The following FAM184B variants were observed in gnomAD, a reference collection of about 807,000 sequenced individuals.
FAM184B encodes family with sequence similarity 184 member B, also known as protein FAM184B.
In FAM184B, 111 loss-of-function variants were observed where a neutral mutation model predicts 135.9. The ratio of observed to expected loss-of-function variants is 0.82; its 90% confidence interval spans 0.70 to 0.96. The LOEUF (loss-of-function observed/expected upper bound fraction) is 0.96, where lower values mean the gene tolerates loss of function less well. Among genes scored for constraint, FAM184B ranks in the 40% least tolerant of loss-of-function variants. The pLI is 0.00. For missense variants in FAM184B, 1,375 were observed against 1,323.9 expected (o/e 1.04, Z -0.60); for synonymous variants, 552 against 524.8 (o/e 1.05, Z -0.71).
intron 1 of FAM184B, among the ~76,000 whole-genome samples, chr4:17,752,190 G>C (rs1718310310): frequency 1.3e-5 from 2 of 152,284 alleles, no homozygotes; most frequent in South Asian, 4.1e-4. Flanking sequence ...GAGGGACTTA[G>C]TGCCAACATA....
At chr4:17,763,116 T>G (rs1425440424) in intron 1 of FAM184B, among the ~76,000 whole-genome samples, 1 of 152,164 alleles carries the variant, frequency 6.6e-6, no homozygotes, top group Non-Finnish European at 1.5e-5. Context: ...AGTTCTTTCT[T>G]TGCCTGTCAA....
rs1452909464 is a variant in FAM184B at position 17,781,186 on chromosome 4, C to T, written c.114G>A (p.Met38Ile). 1.5e-5 allele frequency: 23 copies of T among 1,549,624 alleles called. No individual in the cohort carries two copies. In the Admixed American group the frequency reaches 4.5e-4, roughly 31 times the overall value. The change falls in exon 1 of 18, where the codon ATG becomes ATA. Residue 38 changes from methionine to isoleucine, a missense_variant. By Grantham distance (10) the Met-to-Ile change is conservative. Transcript: ENST00000265018. This position sits in a 1 kb window ranked among gnomAD's most constrained non-coding sequence, Gnocchi z 6.5. ...TGGTGAGCTGGGCGATCTTCTTGCA[C>T]ATTTTCACGTGCATCTGGGGATCAC... The part of the protein sequence containing the change: ...MDCDPQMHVK[M>I]CKKIAQLTKV...
intron 1 of FAM184B, among the ~76,000 whole-genome samples, chr4:17,730,308 C>A (rs1035972115): frequency 6.6e-6 from 1 of 152,152 alleles, no homozygotes; most frequent in African/African-American, 2.4e-5. Context: ...CTGAAAGTGA[C>A]GGGGAGAATG....
At chr4:17,744,466 C>CAG (rs1275816330) in intron 1 of FAM184B, among the ~76,000 whole-genome samples, 3 of 141,928 alleles carry the variant, frequency 2.1e-5, no homozygotes, top group Non-Finnish European at 1.5e-5. Flanking sequence ...CTCTCTCACA[C>CAG]ACACACACAC....
At chr4:17,709,990 A>G (rs1717219493) in intron 1 of FAM184B, among the ~76,000 whole-genome samples, 3 of 152,196 alleles carry the variant, frequency 2.0e-5, no homozygotes, top group Admixed American at 6.5e-5. Context: ...TTTGTTCAGA[A>G]GGAACACTTT....
Position 17,642,120 on chromosome 4 carries a change from G to A in FAM184B, c.2455C>T (p.Arg819Trp), listed in dbSNP as rs185978992. 5.9e-5 allele frequency: 91 copies of A among 1,532,824 alleles called. 1 individual carries two copies. In the East Asian group the frequency reaches 2.1e-3, roughly 36 times the overall value. 95.0% of individuals were successfully genotyped at this position (1,532,824 alleles called of 1,614,324 possible). A position where few individuals can be genotyped will look rare whatever the true frequency, so the allele number is the denominator to read the frequency against. ...TGCTCCACCTCCGCGCGCAGCCGCC[G>A]CACCGCGTCCTGGAGCTGCGCGTTC... Reference protein sequence around the residue: ...EENAQLQDAVRRLRAEVEQHQ... With the variant: ...EENAQLQDAVWRLRAEVEQHQ... Residue 819 changes from arginine (R) to tryptophan (W), a missense_variant, in exon 13 of 18, where the codon CGG becomes TGG. By Grantham distance (101) the Arg-to-Trp change is moderately radical (BLOSUM62 -3). Coordinates refer to ENST00000265018, the MANE Select transcript of FAM184B (RefSeq NM_015688.2).
chr4:17,686,492 C>A (rs1217971977), intron 7 of FAM184B, among the ~76,000 whole-genome samples: 1 of 152,226 alleles, frequency 6.6e-6, no homozygotes, highest in Non-Finnish European at 1.5e-5. Context: ...TGGAAGGCAT[C>A]CTGGGCATGT....
intron 1 of FAM184B, among the ~76,000 whole-genome samples, chr4:17,740,181 G>A (rs995062912): frequency 1.2e-4 from 18 of 151,804 alleles, no homozygotes; most frequent in African/African-American, 3.1e-4. Flanking sequence ...GCAAAGCCGC[G>A]TCTCTACTAA....
intron 7 of FAM184B, among the ~76,000 whole-genome samples, chr4:17,687,063 T>G (rs1160468286): frequency 1.3e-5 from 2 of 152,220 alleles, no homozygotes; most frequent in African/African-American, 4.8e-5. Flanking sequence ...ATTTTTGCCC[T>G]GGTGAATATG....
chr4:17,686,177 C>T (rs1304701611), intron 7 of FAM184B, among the ~76,000 whole-genome samples: 1 of 152,178 alleles, frequency 6.6e-6, no homozygotes, highest in African/African-American at 2.4e-5. Context: ...GTCTCTGGGG[C>T]CAAAAGTTCT....
At chr4:17,705,410 T>G (rs1717086033) in intron 4 of FAM184B, among the ~76,000 whole-genome samples, 1 of 152,228 alleles carries the variant, frequency 6.6e-6, no homozygotes, top group Non-Finnish European at 1.5e-5. Context: ...CAATGGTGTG[T>G]CTATTATCAT....
At chr4:17,772,247 T>C (rs73096917) in intron 1 of FAM184B, among the ~76,000 whole-genome samples, 6,608 of 152,280 alleles carry the variant, frequency 0.043, 466 homozygotes, top group African/African-American at 0.15. Context: ...TTTTTCCTTA[T>C]TATTTCTGAT....
chr4:17,652,291 A>AT (rs1377345402), intron 11 of FAM184B, among the ~76,000 whole-genome samples: 2 of 151,190 alleles, frequency 1.3e-5, no homozygotes, highest in African/African-American at 2.4e-5. Context: ...CGCCCGGCTA[A>AT]TTTTTTGTAT....
intron 7 of FAM184B, among the ~76,000 whole-genome samples, chr4:17,670,902 G>A (rs1202287427): frequency 6.6e-6 from 1 of 152,154 alleles, no homozygotes; most frequent in Non-Finnish European, 1.5e-5. Flanking sequence ...CAGCATCAAG[G>A]CCTAACTGGA....
At chr4:17,637,823 CCT>C (rs1256302278) in intron 14 of FAM184B, among the ~76,000 whole-genome samples, 9 of 152,180 alleles carry the variant, frequency 5.9e-5, no homozygotes, top group South Asian at 2.1e-4. Flanking sequence ...ACCCCCTCCC[CCT>C]GTTTCTTCTC....
At chr4:17,712,509 T>A (rs1303922375) in intron 1 of FAM184B, among the ~76,000 whole-genome samples, 2 of 152,154 alleles carry the variant, frequency 1.3e-5, no homozygotes, top group African/African-American at 4.8e-5. Flanking sequence ...CCTTTGTGGG[T>A]TGCTGGTTTT....
Position 17,635,258 on chromosome 4 carries a change from C to T in FAM184B, c.2785-145G>A, listed in dbSNP as rs530281896. On this transcript the variant is annotated intron_variant, in intron 15 of 17. Coordinates refer to ENST00000265018, the MANE Select transcript of FAM184B (RefSeq NM_015688.2). ...TCAGTGGGAATAAAGCTGCCAGGCACTGAAGCTTTTGAGGAAGCACCTTTG... is the reference window on the plus strand; with the variant it reads ...TCAGTGGGAATAAAGCTGCCAGGCATTGAAGCTTTTGAGGAAGCACCTTTG... 1.1e-4 allele frequency: 70 copies of T among 611,760 alleles called. No homozygotes were observed. The South Asian group carries it at 1.6e-3, about 14-fold the overall frequency. 37.9% of individuals were successfully genotyped at this position (611,760 alleles called of 1,614,324 possible).
Position 17,781,127 on chromosome 4 carries a change from G to A in FAM184B, c.141+32C>T. 2 of 1,488,944 alleles carry A rather than the reference G, an allele frequency of 1.3e-6. No individual in the cohort carries two copies. The highest frequency in any genetic ancestry group is 1.8e-6 in the Non-Finnish European group (2 of 1,116,176). 92.2% of individuals were successfully genotyped at this position (1,488,944 alleles called of 1,614,324 possible). Reference sequence around the variant, plus strand: ...CTCCCGGCTCGGGCGCCCCGGGCGTGCAGCTCGCTGGCCCGCTGCGCCCCA... The same window carrying A: ...CTCCCGGCTCGGGCGCCCCGGGCGTACAGCTCGCTGGCCCGCTGCGCCCCA... On this transcript the variant is annotated intron_variant, in intron 1 of 17. Coordinates refer to ENST00000265018, the MANE Select transcript of FAM184B (RefSeq NM_015688.2). This position sits in a 1 kb window ranked among gnomAD's most constrained non-coding sequence, Gnocchi z 6.5.
At chr4:17,724,137 A>ACACT (rs1241677579) in intron 1 of FAM184B, among the ~76,000 whole-genome samples, 3 of 151,328 alleles carry the variant, frequency 2.0e-5, no homozygotes, top group African/African-American at 7.3e-5. Flanking sequence ...ACACACACTC[A>ACACT]CACACACACT....
Sources: gnomAD v4.1 joint callset for allele counts (sites outside exome capture counted in the v4.1 genomes callset) on GRCh38, gnomAD v4.1.1 for gene constraint, Gnocchi (gnomAD v3.1) non-coding constraint, MANE v1.5 for transcripts, NCBI Gene and HGNC (gene_info 2026-07-23, HGNC 2026-07-21) for gene names.